The following BUB1B variants were observed in gnomAD, a reference collection of about 807,000 sequenced individuals.
BUB1B encodes mitotic checkpoint serine/threonine-protein kinase BUB1 beta.
BUB1B carries 86 observed loss-of-function variants against 137.7 expected under a neutral mutation model. The ratio of observed to expected loss-of-function variants is 0.62; its 90% CI spans 0.52 to 0.75. The LOEUF is 0.75. Ranked by LOEUF, BUB1B falls within the 30% of genes least tolerant of loss-of-function variation. The probability of loss-of-function intolerance (pLI) is 0.00; values close to 1 mark genes in which losing one functional copy is unlikely to be tolerated. For missense variants in BUB1B, 1,130 were observed against 1,236.9 expected, an observed-to-expected ratio of 0.91 and a Z score of 1.30; for synonymous variants, 420 against 417.9, an observed-to-expected ratio of 1.00 and a Z score of -0.06.
At chr15:40,178,744 A>G (rs924262467) in intron 5 of BUB1B, among the ~76,000 whole-genome samples, 15 of 152,100 alleles carry the variant, frequency 9.9e-5, no homozygotes, top group African/African-American at 2.9e-4. Context: ...ATGCATAAAC[A>G]TTTAGAATTG....
chr15:40,164,237 T>G (rs2037069098), intron 1 of BUB1B, among the ~76,000 whole-genome samples: 1 of 146,436 alleles, frequency 6.8e-6, no homozygotes, highest in Non-Finnish European at 1.5e-5. Flanking sequence ...AATTTTAATG[T>G]TTTTTTTTTG....
chr15:40,192,472 A>G (rs1401620153), intron 8 of BUB1B, among the ~76,000 whole-genome samples: 3 of 152,204 alleles, frequency 2.0e-5, no homozygotes, highest in Non-Finnish European at 4.4e-5. Flanking sequence ...ACAAATACAT[A>G]ATATTATCTA....
chr15:40,199,775 T>G (rs754450118), intron 10 of BUB1B, 48 bp downstream of exon 10: 1 of 1,369,196 alleles, frequency 7.3e-7, no homozygotes, highest in East Asian at 2.4e-5. Flanking sequence ...TTGAAACAAA[T>G]TTAAACATTA....
At chr15:40,207,022 C>T (rs1448193737) in intron 15 of BUB1B, among the ~76,000 whole-genome samples, 1 of 152,178 alleles carries the variant, frequency 6.6e-6, no homozygotes, top group Non-Finnish European at 1.5e-5. Context: ...GTTGGCCAGG[C>T]TGGTCTCAAA....
chr15:40,206,617 A>G (rs1232965683), intron 15 of BUB1B, among the ~76,000 whole-genome samples, 159 bp downstream of exon 15: 2 of 152,342 alleles, frequency 1.3e-5, no homozygotes, highest in African/African-American at 2.4e-5. Flanking sequence ...TGAAGTGTCA[A>G]TGGGATTTAG....
intron 5 of BUB1B, among the ~76,000 whole-genome samples, chr15:40,181,885 A>C (rs1304292915): frequency 6.6e-6 from 1 of 152,064 alleles, no homozygotes; most frequent in Non-Finnish European, 1.5e-5. Context: ...CCTTCATCTC[A>C]TGGAACATAG....
intron 15 of BUB1B, among the ~76,000 whole-genome samples, chr15:40,206,715 CTT>C (rs775726723): frequency 2.0e-5 from 3 of 152,274 alleles, no homozygotes; most frequent in Non-Finnish European, 4.4e-5. Context: ...ATTGAGGAAA[CTT>C]TGCAAAGTGT....
chr15:40,188,577 G>A (rs1204892026), intron 8 of BUB1B, among the ~76,000 whole-genome samples: 3 of 130,604 alleles, frequency 2.3e-5, no homozygotes, highest in Non-Finnish European at 4.9e-5. Context: ...TCAAATTTAA[G>A]TTTTCTTTTT....
At chr15:40,210,041 A>G in intron 17 of BUB1B, 69 bp from the exon 18 acceptor site, 1 of 1,282,824 alleles carries the variant, frequency 7.8e-7, no homozygotes, top group South Asian at 1.2e-5. Flanking sequence ...CCCTTAAACC[A>G]GGAGGTAAAA....
At chr15:40,200,648 C>T (rs966187205) in intron 11 of BUB1B, among the ~76,000 whole-genome samples, 14 of 152,128 alleles carry the variant, frequency 9.2e-5, no homozygotes, top group African/African-American at 3.4e-4. Flanking sequence ...TGTTCTGTCT[C>T]TTCTTTTGTG....
chr15:40,181,570 T>TC (rs2140888555), intron 5 of BUB1B, among the ~76,000 whole-genome samples: 1 of 152,250 alleles, frequency 6.6e-6, no homozygotes, highest in African/African-American at 2.4e-5. Flanking sequence ...TTAGACCATT[T>TC]CCCCCGACTC....
In BUB1B at chr15:40,221,035, T is replaced by G; in HGVS notation, c.*276T>G. 2.1e-6 allele frequency: 1 copy of G among 471,908 alleles called. No homozygotes were observed. Among genetic ancestry groups the G allele is most frequent in the Non-Finnish European group, 3.8e-6 (1 of 260,722 alleles). The allele number at this position is 471,908 out of a possible 1,614,324, so 29.2% of individuals were successfully genotyped here. A position where few individuals can be genotyped will look rare whatever the true frequency, so the allele number is the denominator to read the frequency against. ...GTTATTTAACCCATTTGTCTCTACT[T>G]TTCCCTGTACTTTTCCCATTTGTAA... On this transcript the variant is annotated 3_prime_UTR_variant, in exon 23 of 23. Coordinates refer to ENST00000287598, the MANE Select transcript of BUB1B (RefSeq NM_001211.6).
intron 1 of BUB1B, among the ~76,000 whole-genome samples, chr15:40,162,248 C>T (rs1331140448): frequency 6.6e-6 from 1 of 152,072 alleles, no homozygotes; most frequent in Non-Finnish European, 1.5e-5. Context: ...GGAAGTTGCA[C>T]CTGGCATGTC....
At chr15:40,206,072 C>G in intron 14 of BUB1B, 112 bp from the exon 15 acceptor site, 1 of 1,097,842 alleles carries the variant, frequency 9.1e-7, no homozygotes, top group South Asian at 1.3e-5. Flanking sequence ...CCTAGATATT[C>G]TGATATGCTA....
intron 10 of BUB1B, 198 bp from the exon 11 acceptor site, chr15:40,200,046 C>T (rs1340905861): frequency 3.2e-6 from 2 of 620,448 alleles, no homozygotes; most frequent in East Asian, 5.6e-5. Context: ...TTAGTATATG[C>T]CTGGCACTGC....
intron 14 of BUB1B, among the ~76,000 whole-genome samples, chr15:40,202,897 A>G (rs2037592804): frequency 2.0e-5 from 3 of 152,242 alleles, no homozygotes; most frequent in Admixed American, 2.0e-4. Flanking sequence ...TATAATAAAA[A>G]ATTACGCACA....
intron 5 of BUB1B, among the ~76,000 whole-genome samples, chr15:40,178,504 C>T (rs746228581): frequency 2.0e-5 from 3 of 151,948 alleles, no homozygotes; most frequent in Non-Finnish European, 4.4e-5. Flanking sequence ...TTGGTGAATG[C>T]TTCATGTACA....
chr15:40,178,260 T>C (rs747319924), intron 5 of BUB1B, among the ~76,000 whole-genome samples: 5 of 152,194 alleles, frequency 3.3e-5, no homozygotes, highest in African/African-American at 4.8e-5. Context: ...TGTGATATAC[T>C]GTATTTTCAT....
intron 6 of BUB1B, among the ~76,000 whole-genome samples, chr15:40,184,470 A>C (rs967478859): frequency 3.3e-5 from 5 of 152,198 alleles, no homozygotes; most frequent in African/African-American, 1.2e-4. Flanking sequence ...GCATCTGGAC[A>C]ACACTGACTA....
Sources: gnomAD v4.1 joint callset for allele counts (sites outside exome capture counted in the v4.1 genomes callset) on GRCh38, gnomAD v4.1.1 for gene constraint, MANE v1.5 for transcripts, NCBI Gene and HGNC (gene_info 2026-07-23, HGNC 2026-07-21) for gene names.